The following ERAP2 variants were observed in gnomAD, a reference collection of about 807,000 sequenced individuals.
ERAP2 encodes endoplasmic reticulum aminopeptidase 2.
Under a neutral mutation model 111.1 loss-of-function variants are expected in ERAP2, and 118 were observed. The observed-to-expected ratio is 1.06, with a 90% CI of 0.92 to 1.24. The LOEUF (loss-of-function observed/expected upper bound fraction) is 1.24, where lower values mean the gene tolerates loss of function less well. Among genes scored for constraint, ERAP2 ranks in the 50% most tolerant of loss-of-function variants. The probability of loss-of-function intolerance (pLI) is 0.00; values close to 1 mark genes in which losing one functional copy is unlikely to be tolerated. For synonymous variants in ERAP2, 410 were observed against 401.2 expected (o/e 1.02, Z -0.26); for missense variants, 1,131 against 1,125.8 (o/e 1.00, Z -0.07).
At position 96,915,820 on chromosome 5, in the gene ERAP2, G is replaced by A. The variant is rs771372385; in HGVS notation, c.2739+51G>A. On this transcript the variant is annotated intron_variant, in intron 18 of 18. Transcript: ENST00000437043. ...TTTCAAAATAAATGTTCAAATTGTGGAATTGAAAGTAAACTTAGATATAAT... is the reference window on the plus strand; with the variant it reads ...TTTCAAAATAAATGTTCAAATTGTGAAATTGAAAGTAAACTTAGATATAAT... 2.8e-6 allele frequency: 4 copies of A among 1,422,672 alleles called. 1 individual carries two copies. The Admixed American group carries it at 8.3e-5, about 30-fold the overall frequency. 88.1% of individuals were successfully genotyped at this position (1,422,672 alleles called of 1,614,324 possible). A position where few individuals can be genotyped will look rare whatever the true frequency, so the allele number is the denominator to read the frequency against.
rs771377053 is a variant in ERAP2, at chr5:96,895,287, T to G, written c.1167T>G (p.Ile389Met). The change falls in exon 7 of 19, where the codon ATT (isoleucine) becomes ATG (methionine). Residue 389 changes from isoleucine to methionine, a missense_variant. Transcript: ENST00000437043. ...NLVTMEWWND[I>M]WLKEGFAKYM... ...TCACAATGGAATGGTGGAATGATATTTGGCTTAAGGAGGGTTTTGCAAAAT... is the reference window on the plus strand; with the variant it reads ...TCACAATGGAATGGTGGAATGATATGTGGCTTAAGGAGGGTTTTGCAAAAT... 18 of 1,612,882 alleles carry G rather than the reference T, an allele frequency of 1.1e-5. No homozygotes were observed. Among genetic ancestry groups the G allele is most frequent in the Non-Finnish European group, 1.5e-5 (18 of 1,179,434 alleles).
intron 6 of ERAP2, among the ~76,000 whole-genome samples, chr5:96,895,029 C>CA (rs1013331077): frequency 6.8e-5 from 10 of 147,172 alleles, no homozygotes; most frequent in East Asian, 2.0e-4. Flanking sequence ...TGAGAACACA[C>CA]AAAAAAAAGA....
At chr5:96,892,846 C>T (rs998101772) in intron 6 of ERAP2, among the ~76,000 whole-genome samples, 2 of 152,174 alleles carry the variant, frequency 1.3e-5, no homozygotes, top group Non-Finnish European at 2.9e-5. Flanking sequence ...CAAAATCACT[C>T]TTCCTTCAGT....
intron 7 of ERAP2, 89 bp downstream of exon 7, chr5:96,895,448 A>G (rs774919619): frequency 1.1e-6 from 1 of 936,670 alleles, no homozygotes; most frequent in Non-Finnish European, 1.7e-6. Flanking sequence ...AAACAGAAAA[A>G]CTACATAATG....
chr5:96,902,413 A>G lies in ERAP2; in HGVS notation c.1828+60A>G, dbSNP rs74936892. On this transcript the variant is annotated intron_variant, in intron 12 of 18. Transcript: ENST00000437043. ...GTGGAAATTAAACATGTGTTGAGCTATTTGAAGGAACGATACAATAAGTAA... is the reference window on the plus strand; with the variant it reads ...GTGGAAATTAAACATGTGTTGAGCTGTTTGAAGGAACGATACAATAAGTAA... 1,067 of 1,037,970 alleles carry G rather than the reference A, an allele frequency of 1.0e-3. 7 individuals carry two copies. In the African/African-American group the frequency reaches 0.015, roughly 14 times the overall value. 64.3% of individuals were successfully genotyped at this position (1,037,970 alleles called of 1,614,324 possible).
intron 16 of ERAP2, among the ~76,000 whole-genome samples, chr5:96,913,116 T>C (rs1786987472): frequency 6.6e-6 from 1 of 152,174 alleles, no homozygotes; most frequent in African/African-American, 2.4e-5. Context: ...TTATTTGAAA[T>C]AATAAGTAAA....
At chr5:96,900,246 G>C in intron 10 of ERAP2, 57 bp downstream of exon 10, 1 of 1,608,850 alleles carries the variant, frequency 6.2e-7, no homozygotes, top group Non-Finnish European at 8.5e-7. Context: ...CTGACCTAGA[G>C]TGAGTATGAC....
At chr5:96,916,041 T>C (rs936096748) in intron 18 of ERAP2, among the ~76,000 whole-genome samples, 1 of 151,964 alleles carries the variant, frequency 6.6e-6, no homozygotes, top group Admixed American at 6.6e-5. Context: ...GCCAATATGG[T>C]GAAACCCTGT....
At chr5:96,915,103 G>A (rs1384101829) in intron 17 of ERAP2, among the ~76,000 whole-genome samples, 1 of 152,040 alleles carries the variant, frequency 6.6e-6, no homozygotes, top group Admixed American at 6.5e-5. Context: ...CACCTCCCGG[G>A]TTCAAGTGAC....
intron 2 of ERAP2, chr5:96,881,566 ACC>A: frequency 2.2e-6 from 1 of 449,858 alleles, no homozygotes; most frequent in South Asian, 1.6e-5. Context: ...CCATGGCTTA[ACC>A]ACACAGGGGC....
At chr5:96,888,755 C>A (rs963255902) in intron 4 of ERAP2, among the ~76,000 whole-genome samples, 1 of 152,288 alleles carries the variant, frequency 6.6e-6, no homozygotes, top group Non-Finnish European at 1.5e-5. Flanking sequence ...GAGGGCGGAT[C>A]CAATAAGTTC....
rs1362961708 is a variant in ERAP2 at position 96,896,436 on chromosome 5, C to T, written c.1303C>T (p.Pro435Ser). Residue 435 changes from proline (P) to serine (S), a missense_variant, in exon 8 of 19, where the codon CCT (proline) becomes TCT (serine). By Grantham distance (74) the Pro-to-Ser change is moderately conservative. This residue lies in a region of ERAP2 where 847 missense variants were observed against 856.5 expected (regional missense o/e 0.99). Transcript: ENST00000437043. ...AAAAGATTCATTGAATTCATCCCGC[C>T]CTATCTCCAAACCAGCGGAAACCCC... is the stretch of plus-strand genomic sequence containing the variant. ...ITKDSLNSSRPISKPAETPTQ... is the reference protein window; with the variant it reads ...ITKDSLNSSRSISKPAETPTQ... The T allele has an allele frequency of 5.6e-6, 9 of 1,613,154 alleles. No individual in the cohort carries two copies. The highest frequency in any genetic ancestry group is 7.6e-6 in the Non-Finnish European group (9 of 1,179,468).
chr5:96,897,466 C>T (rs1055941632), intron 9 of ERAP2, among the ~76,000 whole-genome samples: 4 of 152,130 alleles, frequency 2.6e-5, no homozygotes, highest in Non-Finnish European at 4.4e-5. Flanking sequence ...TAATCTGTTC[C>T]ACATAATAGT....
chr5:96,906,989 T>C (rs1561392404), intron 13 of ERAP2, among the ~76,000 whole-genome samples: 2 of 152,096 alleles, frequency 1.3e-5, no homozygotes, highest in Non-Finnish European at 2.9e-5. Context: ...GATTGTGCCA[T>C]TGCACTCCAG....
intron 10 of ERAP2, among the ~76,000 whole-genome samples, chr5:96,901,189 A>T (rs72775839): frequency 0.21 from 11,391 of 54,284 alleles, 503 homozygotes; most frequent in South Asian, 0.33. Context: ...TGTTTGTTTG[A>T]TTTTGTTTGT....
At position 96,918,237 on chromosome 5, in the gene ERAP2, C is replaced by T. The variant is rs1189921275; in HGVS notation, c.*632C>T. On this transcript the variant is annotated 3_prime_UTR_variant, in exon 19 of 19. Transcript: ENST00000437043. ...AGATACAGCTGTAATTATTTAGCCT[C>T]AAGTGACTTTCTCCATTGCTTCACG... is the stretch of plus-strand genomic sequence containing the variant. 1 of 152,384 alleles carries T rather than the reference C, an allele frequency of 6.6e-6. No homozygotes were observed. 9.4% of individuals were successfully genotyped at this position (152,384 alleles called of 1,614,324 possible).
At chr5:96,890,121 C>T (rs1784183492) in intron 5 of ERAP2, among the ~76,000 whole-genome samples, 1 of 152,124 alleles carries the variant, frequency 6.6e-6, no homozygotes, top group Non-Finnish European at 1.5e-5. Context: ...GTCTATCTTG[C>T]TTTTAATTTT....
Position 96,917,542 on chromosome 5 carries a change from A to G in ERAP2, c.2820A>G (p.Lys940=). The change falls in exon 19 of 19, where the codon AAA becomes AAG. Residue 940 remains lysine, a synonymous_variant. Coordinates refer to ENST00000437043, the MANE Select transcript of ERAP2 (RefSeq NM_022350.5). The part of the protein sequence containing the change: ...IFQTVLETIT[K]NIKWLEKNLP... Reference sequence around the variant, plus strand: ...AAACTGTTCTGGAAACGATAACCAAAAATATAAAATGGCTGGAGAAGAATC... The same window carrying G: ...AAACTGTTCTGGAAACGATAACCAAGAATATAAAATGGCTGGAGAAGAATC... 6.2e-7 allele frequency: 1 copy of G among 1,614,118 alleles called. No homozygotes were observed. Among genetic ancestry groups the G allele is most frequent in the Non-Finnish European group, 8.5e-7 (1 of 1,179,990 alleles).
intron 7 of ERAP2, among the ~76,000 whole-genome samples, chr5:96,896,072 G>A (rs1018716980): frequency 1.3e-5 from 2 of 152,130 alleles, no homozygotes; most frequent in Non-Finnish European, 2.9e-5. Flanking sequence ...GTCTAGGCAC[G>A]TAACAAGTAT....
Sources: allele counts gnomAD v4.1 joint callset (sites outside exome capture counted in the v4.1 genomes callset), GRCh38; gene constraint gnomAD v4.1.1; regional missense constraint gnomAD v4.1.1; transcripts MANE v1.5; gene names NCBI Gene and HGNC (gene_info 2026-07-23, HGNC 2026-07-21).